AVEN: variants seen among roughly 807,000 people sequenced by gnomAD.
AVEN encodes apoptosis and caspase activation inhibitor, also known as cell death regulator Aven.
A neutral mutation model predicts 38.1 loss-of-function variants in AVEN; 41 were observed. That is an observed-to-expected ratio of 1.08 (90% confidence interval 0.84 to 1.40). The LOEUF (loss-of-function observed/expected upper bound fraction) is 1.40. Ranked by LOEUF, AVEN falls within the 40% of genes most tolerant of loss-of-function variation. The pLI, the probability that AVEN is intolerant of heterozygous loss-of-function variation, is 0.00. For synonymous variants in AVEN, 206 were observed against 171.8 expected (o/e 1.20, Z -1.56); for missense variants, 605 against 438.8 (o/e 1.38, Z -3.38).
At chr15:34,002,280 C>A (rs1395963838) in intron 2 of AVEN, among the ~76,000 whole-genome samples, 1 of 152,194 alleles carries the variant, frequency 6.6e-6, no homozygotes, top group Non-Finnish European at 1.5e-5. Context: ...GTCAGCATCC[C>A]AGGGATCTGT....
chr15:34,029,520 A>C (rs1472003463), intron 1 of AVEN, among the ~76,000 whole-genome samples: 1 of 14,036 alleles, frequency 7.1e-5, no homozygotes, highest in African/African-American at 8.9e-5. Context: ...ATTTCTACAA[A>C]AAAAAAAAAA....
chr15:33,972,814 C>T (rs896137316), intron 2 of AVEN, among the ~76,000 whole-genome samples: 5 of 152,170 alleles, frequency 3.3e-5, no homozygotes, highest in African/African-American at 4.8e-5. Context: ...AGTGGCAATA[C>T]CCTGATTCAG....
At chr15:34,051,199 C>T (rs1002037709) in intron 5 of AVEN, among the ~76,000 whole-genome samples, 2 of 152,184 alleles carry the variant, frequency 1.3e-5, no homozygotes, top group Non-Finnish European at 2.9e-5. Context: ...AATTCACTCA[C>T]AACCACACAA....
At chr15:34,019,147 C>G (rs1898097443) in intron 1 of AVEN, among the ~76,000 whole-genome samples, 2 of 152,172 alleles carry the variant, frequency 1.3e-5, no homozygotes, top group African/African-American at 4.8e-5. Flanking sequence ...TTCTCCAAGT[C>G]CCCACTCAAC....
At chr15:34,044,293 T>C (rs1597384346) in intron 5 of AVEN, among the ~76,000 whole-genome samples, 2 of 152,338 alleles carry the variant, frequency 1.3e-5, no homozygotes, top group Admixed American at 1.3e-4. Context: ...CAAGTTTCAC[T>C]GTGATCTCCA....
rs114132485 is a variant in AVEN, at chr15:34,051,704, A to G, written n.1637+11218T>C. Among the ~76,000 whole-genome samples, 1,430 of 152,302 alleles carry G rather than the reference A, an allele frequency of 9.4e-3. 25 individuals are homozygous for G. Among genetic ancestry groups the G allele is most frequent in the African/African-American group, 0.033 (1,355 of 41,554 alleles). ...ATCCAAACAATCATCAGAGAATACT[A>G]TAAACACTTCTATGCACGTAAACTA... On this transcript the variant is annotated intron_variant and non_coding_transcript_variant, in intron 5 of 11. Coordinates refer to the AVEN transcript ENST00000675287.
chr15:33,942,536 C>T (rs541456296), intron 2 of AVEN, among the ~76,000 whole-genome samples: 2 of 152,104 alleles, frequency 1.3e-5, no homozygotes, highest in East Asian at 1.9e-4. Flanking sequence ...CTGCAAGCTC[C>T]GCCCCCCGGA....
At chr15:34,038,733 T>C in intron 1 of AVEN, 47 bp downstream of exon 1, 1 of 1,134,820 alleles carries the variant, frequency 8.8e-7, no homozygotes, top group East Asian at 4.3e-5. Flanking sequence ...CGGCCCCACT[T>C]GCCCCAGTTA....
intron 2 of AVEN, among the ~76,000 whole-genome samples, chr15:33,878,075 ATAAAACT>A (rs1891323884): frequency 6.6e-6 from 1 of 152,230 alleles, no homozygotes; most frequent in Non-Finnish European, 1.5e-5. Flanking sequence ...ACTTTACAAA[ATAAAACT>A]TAAAAAGGAA....
chr15:33,949,855 C>T (rs1479292333), intron 2 of AVEN, among the ~76,000 whole-genome samples: 1 of 152,042 alleles, frequency 6.6e-6, no homozygotes, highest in African/African-American at 2.4e-5. Flanking sequence ...TCCAGCAATC[C>T]CACTTCTGGG....
chr15:33,998,884 C>T (rs188229583), intron 2 of AVEN, among the ~76,000 whole-genome samples: 51 of 152,292 alleles, frequency 3.3e-4, no homozygotes, highest in African/African-American at 1.1e-3. Context: ...AATAACTCCC[C>T]CTGTCATCTC....
At chr15:33,940,042 A>G (rs1894253783) in intron 2 of AVEN, among the ~76,000 whole-genome samples, 1 of 152,236 alleles carries the variant, frequency 6.6e-6, no homozygotes, top group Non-Finnish European at 1.5e-5. Context: ...GATACTCTCG[A>G]GGAACCATGA....
At chr15:33,938,065 G>T (rs922926297) in intron 2 of AVEN, among the ~76,000 whole-genome samples, 1 of 151,510 alleles carries the variant, frequency 6.6e-6, no homozygotes, top group Non-Finnish European at 1.5e-5. Flanking sequence ...TAAAATAAAG[G>T]AATCATAATC....
chr15:33,854,831 T>C, downstream of AVEN: 1 of 1,613,964 alleles, frequency 6.2e-7, no homozygotes, highest in South Asian at 1.1e-5. Flanking sequence ...ACTTCTTCTT[T>C]GCTGCTCACC....
intron 3 of AVEN, among the ~76,000 whole-genome samples, chr15:33,872,058 G>C (rs1890987402): frequency 6.6e-6 from 1 of 152,174 alleles, no homozygotes; most frequent in South Asian, 2.1e-4. Context: ...TGAAGTAGAG[G>C]GCCTGGCCTA....
At chr15:33,993,702 A>G (rs532509831) in intron 2 of AVEN, among the ~76,000 whole-genome samples, 1 of 152,340 alleles carries the variant, frequency 6.6e-6, no homozygotes, top group Non-Finnish European at 1.5e-5. Flanking sequence ...AATACTGCCA[A>G]CACCACACCT....
intron 2 of AVEN, among the ~76,000 whole-genome samples, chr15:33,992,460 G>T (rs867368913): frequency 2.9e-4 from 44 of 152,086 alleles, no homozygotes; most frequent in South Asian, 8.3e-4. Flanking sequence ...AAGTTTTTTT[G>T]TTATCGGAGT....
chr15:33,917,497 A>ACT (rs140705549), intron 2 of AVEN, among the ~76,000 whole-genome samples: 1 of 16,896 alleles, frequency 5.9e-5, no homozygotes, highest in Admixed American at 3.0e-3. Context: ...ACATATATAT[A>ACT]CACACGGAAT....
chr15:33,941,748 T>C (rs187100129), intron 2 of AVEN, among the ~76,000 whole-genome samples: 57 of 152,286 alleles, frequency 3.7e-4, no homozygotes, highest in Admixed American at 2.6e-3. Context: ...ATAGAACTTA[T>C]GGGACAATAG....
Sources: allele counts gnomAD v4.1 joint callset (sites outside exome capture counted in the v4.1 genomes callset), GRCh38; gene constraint gnomAD v4.1.1; transcripts MANE v1.5; gene names NCBI Gene and HGNC (gene_info 2026-07-23, HGNC 2026-07-21).